Variants in RBFOX2 observed in about 807,000 individuals in gnomAD.
RBFOX2 encodes RNA binding fox-1 homolog 2, also known as RNA binding protein fox-1 homolog 2.
Under a neutral mutation model 49.1 loss-of-function variants are expected in RBFOX2, and 10 were observed. The observed-to-expected ratio is 0.20, with a 90% CI of 0.13 to 0.35. RBFOX2 has a LOEUF of 0.35. Ranked by LOEUF, RBFOX2 falls within the 10% of genes least tolerant of loss-of-function variation. The pLI, the probability that RBFOX2 is intolerant of heterozygous loss-of-function variation, is 1.00. For synonymous variants in RBFOX2, 183 were observed against 187.4 expected (o/e 0.98, Z 0.19); for missense variants, 323 against 486.9 (o/e 0.66, Z 3.17).
chr22:35,862,379 G>T (rs116954667), intron 1 of RBFOX2, among the ~76,000 whole-genome samples: 1 of 146,702 alleles, frequency 6.8e-6, no homozygotes, highest in Non-Finnish European at 1.5e-5. Context: ...TTCTTTGGAG[G>T]GGGGGGGGAA....
At chr22:35,973,100 C>T (rs1000774781) in intron 1 of RBFOX2, among the ~76,000 whole-genome samples, 2 of 152,122 alleles carry the variant, frequency 1.3e-5, no homozygotes, top group Non-Finnish European at 2.9e-5. Flanking sequence ...TTATAATCTA[C>T]AGGCAACAGA....
chr22:35,850,658 T>C (rs2041836905), intron 1 of RBFOX2, among the ~76,000 whole-genome samples: 1 of 152,130 alleles, frequency 6.6e-6, no homozygotes, highest in African/African-American at 2.4e-5. Flanking sequence ...CAAATACACA[T>C]GTGCACACAT....
At chr22:35,946,913 C>T (rs2054336944) in intron 1 of RBFOX2, among the ~76,000 whole-genome samples, 1 of 152,174 alleles carries the variant, frequency 6.6e-6, no homozygotes, top group Non-Finnish European at 1.5e-5. Context: ...CGAAGCTGGT[C>T]AAGCACAGTG....
At chr22:35,755,981 G>T in intron 9 of RBFOX2, 124 bp downstream of exon 11, 1 of 513,884 alleles carries the variant, frequency 1.9e-6, no homozygotes, top group East Asian at 4.1e-5. Flanking sequence ...ATATCCACAA[G>T]GAAAAAGAAA....
At chr22:35,818,914 T>C (rs1027747493) in intron 1 of RBFOX2, among the ~76,000 whole-genome samples, 2 of 152,246 alleles carry the variant, frequency 1.3e-5, no homozygotes, top group African/African-American at 4.8e-5. Flanking sequence ...GGGTATTCTG[T>C]TGTAGTCTAC....
At chr22:35,849,300 C>A (rs1603405901) in intron 1 of RBFOX2, among the ~76,000 whole-genome samples, 1 of 89,694 alleles carries the variant, frequency 1.1e-5, no homozygotes, top group African/African-American at 8.3e-5. Flanking sequence ...CACACACAAA[C>A]ACACACACAC....
chr22:35,923,344 TTTTC>T (rs992602468), intron 1 of RBFOX2, among the ~76,000 whole-genome samples: 1 of 128,448 alleles, frequency 7.8e-6, no homozygotes, highest in Non-Finnish European at 1.8e-5. Context: ...TTTTTTTCTT[TTTTC>T]TTTTTCCTTT....
upstream of RBFOX2, among the ~76,000 whole-genome samples, chr22:35,964,255 T>C (rs1241179104): frequency 6.6e-6 from 1 of 152,222 alleles, no homozygotes; most frequent in Non-Finnish European, 1.5e-5. Flanking sequence ...GAAATCATTT[T>C]ACATCTGTGT....
intron 1 of RBFOX2, among the ~76,000 whole-genome samples, chr22:35,938,054 C>G (rs2053298081): frequency 6.6e-6 from 1 of 152,128 alleles, no homozygotes; most frequent in African/African-American, 2.4e-5. Context: ...AATGGCATTC[C>G]AAGATATTTC....
intron 1 of RBFOX2, among the ~76,000 whole-genome samples, chr22:35,864,825 T>G (rs888842429): frequency 6.6e-6 from 1 of 152,244 alleles, no homozygotes; most frequent in Non-Finnish European, 1.5e-5. Context: ...AGTGTCTCCA[T>G]TGCAATTAAT....
intron 1 of RBFOX2, among the ~76,000 whole-genome samples, chr22:35,923,102 G>A (rs758216130): frequency 6.6e-6 from 1 of 152,188 alleles, no homozygotes; most frequent in Non-Finnish European, 1.5e-5. Flanking sequence ...TGAAGGTACT[G>A]TGATAGATTT....
intron 1 of RBFOX2, among the ~76,000 whole-genome samples, chr22:35,893,056 A>G (rs2047434154): frequency 6.6e-6 from 1 of 152,248 alleles, no homozygotes. Context: ...TGACACAAAT[A>G]ATAAAAGAGA....
At chr22:36,028,109 C>T (rs2059519645) in intron 1 of RBFOX2, 131 bp downstream of exon 1, 1 of 1,293,550 alleles carries the variant, frequency 7.7e-7, no homozygotes, top group Non-Finnish European at 9.9e-7. Flanking sequence ...CCAACCAGGC[C>T]CCGAATGGCC....
rs577320329 is a variant in RBFOX2, at chr22:35,929,480, G to A, written c.-34+9367C>T. ...ACTGGTAAACAAATAAACAAAAGGTGATACATCACTATAATGAAATATTAT... is the reference window on the plus strand; with the variant it reads ...ACTGGTAAACAAATAAACAAAAGGTAATACATCACTATAATGAAATATTAT... On this transcript the variant is annotated intron_variant, in intron 1 of 13. Transcript: ENST00000359369. 7.9e-5 allele frequency among the ~76,000 whole-genome samples: 12 copies of A among 151,416 alleles called. No individual in the cohort carries two copies. In the East Asian group the frequency reaches 1.2e-3, roughly 15 times the overall value.
intron 1 of RBFOX2, among the ~76,000 whole-genome samples, chr22:35,975,844 C>T (rs1311272862): frequency 6.6e-6 from 1 of 152,148 alleles, no homozygotes; most frequent in Admixed American, 6.5e-5. Flanking sequence ...ATCACTAATT[C>T]TGCTGTCATT....
At chr22:35,795,885 G>A (rs1417775540) in intron 2 of RBFOX2, among the ~76,000 whole-genome samples, 2 of 152,014 alleles carry the variant, frequency 1.3e-5, no homozygotes, top group East Asian at 1.9e-4. Context: ...CTCTCTTATT[G>A]AGCATTATTG....
intron 1 of RBFOX2, among the ~76,000 whole-genome samples, chr22:35,991,291 C>T (rs564643895): frequency 2.6e-5 from 4 of 152,064 alleles, no homozygotes; most frequent in South Asian, 2.1e-4. Flanking sequence ...GAGGAGCCAC[C>T]GGAAGATCGG....
intron 1 of RBFOX2, among the ~76,000 whole-genome samples, chr22:35,907,301 G>A (rs1243822999): frequency 1.3e-5 from 2 of 152,228 alleles, no homozygotes; most frequent in East Asian, 1.9e-4. Context: ...TGAGATATAA[G>A]CAGAAATGTT....
chr22:35,754,096 CT>C (rs1241289281), intron 9 of RBFOX2, among the ~76,000 whole-genome samples: 233 of 133,942 alleles, frequency 1.7e-3, no homozygotes, highest in South Asian at 1.7e-3. Context: ...GTAGGCAAGT[CT>C]TTTTTTTTTT....
Sources: allele counts gnomAD v4.1 joint callset (sites outside exome capture counted in the v4.1 genomes callset), GRCh38; gene constraint gnomAD v4.1.1; transcripts MANE v1.5; gene names NCBI Gene and HGNC (gene_info 2026-07-23, HGNC 2026-07-21).